The following GRAMD1A variants were observed in gnomAD, a reference collection of about 807,000 sequenced individuals.
The protein encoded by GRAMD1A is protein Aster-A.
A neutral mutation model predicts 92.0 loss-of-function variants in GRAMD1A; 50 were observed. The observed-to-expected ratio is 0.54, with a 90% CI of 0.43 to 0.69. The LOEUF is 0.69. Ranked by LOEUF, GRAMD1A falls within the 30% of genes least tolerant of loss-of-function variation. The probability of loss-of-function intolerance (pLI) is 0.00; values close to 1 mark genes in which losing one functional copy is unlikely to be tolerated. For missense variants in GRAMD1A, 819 were observed against 978.9 expected (o/e 0.84, Z 2.18); for synonymous variants, 405 against 403.6 (o/e 1.00, Z -0.04).
upstream of GRAMD1A, chr19:34,998,167 G>C (rs1261203364): frequency 6.6e-6 from 1 of 151,804 alleles, no homozygotes; most frequent in African/African-American, 2.4e-5. Context: ...AGGAGGGATG[G>C]GGAGCCAGGC....
rs1338461331 is a variant in GRAMD1A at position 35,013,727 on chromosome 19, T to C, written c.870+36T>C. 1.9e-6 allele frequency: 3 copies of C among 1,570,208 alleles called. No homozygotes were observed. Among genetic ancestry groups the C allele is most frequent in the Non-Finnish European group, 1.7e-6 (2 of 1,152,238 alleles). The stretch of plus-strand genomic sequence containing the variant: ...GGTTGGAAGAGGGGTGGGATACTGA[T>C]AGGAAGAGAGAGGAGGGCTGGGGGT... On this transcript the variant is annotated intron_variant, in intron 9 of 19. Coordinates refer to ENST00000317991, the MANE Select transcript of GRAMD1A (RefSeq NM_020895.5). The surrounding 1 kb of genome is among the most constrained non-coding windows in gnomAD (Gnocchi z 4.9).
rs114988011 is a variant in GRAMD1A, at chr19:35,008,526, A to G, written c.9-593A>G. 8.9e-3 allele frequency among the ~76,000 whole-genome samples: 1,354 copies of G among 152,200 alleles called. 22 individuals carry two copies. Among genetic ancestry groups the G allele is most frequent in the African/African-American group, 0.03 (1,261 of 41,484 alleles). On this transcript the variant is annotated intron_variant, in intron 1 of 19. Coordinates refer to ENST00000317991, the MANE Select transcript of GRAMD1A (RefSeq NM_020895.5). ...GCAACTTAGGAAGACCCCGTCTCAA[A>G]AAAAATTAAAGTAGGCTGGGCACGG...
chr19:35,024,805 T>C (rs2016322765), intron 19 of GRAMD1A: 1 of 152,258 alleles, frequency 6.6e-6, no homozygotes, highest in Non-Finnish European at 1.5e-5. Context: ...TTTTATTCTT[T>C]TGAGACAGGA....
chr19:34,995,962 T>G, upstream of GRAMD1A: 3 of 1,400,368 alleles, frequency 2.1e-6, no homozygotes, highest in South Asian at 2.7e-5. Flanking sequence ...AAGCGGGAGC[T>G]CTATCCCTCA....
At position 35,019,629 on chromosome 19, in the gene GRAMD1A, T is replaced by C. The variant is rs2015905352; in HGVS notation, c.1475+96T>C. 1.1e-5 allele frequency: 14 copies of C among 1,226,022 alleles called. No homozygotes were observed. In the South Asian group the frequency reaches 1.5e-4, roughly 13 times the overall value. 75.9% of individuals were successfully genotyped at this position (1,226,022 alleles called of 1,614,324 possible). A position where few individuals can be genotyped will look rare whatever the true frequency, so the allele number is the denominator to read the frequency against. ...AGCAGCAGAGCCTTGGTTCCCACCC[T>C]GGTGGAGGAACAGAAGCGTGGGGTT... On this transcript the variant is annotated intron_variant, in intron 13 of 19. Coordinates refer to ENST00000317991, the MANE Select transcript of GRAMD1A (RefSeq NM_020895.5).
Position 35,013,257 on chromosome 19 carries a change from C to T in GRAMD1A, c.608C>T (p.Thr203Met), listed in dbSNP as rs1246485875. Residue 203 changes from threonine (T) to methionine (M), a missense_variant and splice_region_variant, in exon 8 of 20, where the codon ACG (threonine) becomes ATG (methionine). Thr to Met is a moderately conservative substitution (Grantham distance 81). This residue lies in a region of GRAMD1A where 144 missense variants were observed against 220.3 expected (regional missense o/e 0.65). Coordinates refer to ENST00000317991, the MANE Select transcript of GRAMD1A (RefSeq NM_020895.5). This position sits in a 1 kb window ranked among gnomAD's most constrained non-coding sequence, Gnocchi z 4.9. ...RLWQNALLEK[T>M]LSPRELWHLV... ...CAACCCCAGGTCCCGCCTCCCCAGA[C>T]GCTGAGTCCCCGCGAGCTCTGGCAC... 13 of 1,529,050 alleles carry T rather than the reference C, an allele frequency of 8.5e-6. No homozygotes were observed. The highest frequency in any genetic ancestry group is 2.5e-5 in the East Asian group (1 of 40,642). The allele number at this position is 1,529,050 out of a possible 1,614,324, so 94.7% of individuals were successfully genotyped here.
In GRAMD1A at chr19:35,015,857, G is replaced by A. The variant is rs1367884228; in HGVS notation, c.1103G>A (p.Gly368Asp). ...DLAALLPDLS[G>D]RLLINSVFHV... is the part of the protein sequence containing the mutation. The stretch of plus-strand genomic sequence containing the variant: ...GCTGCCCTGCTTCCCGACCTCTCCG[G>A]CCGCCTCCTCATCAACTCTGTCTTC... Residue 368 changes from glycine (G) to aspartate (D), a missense_variant, in exon 11 of 20, where the codon GGC becomes GAC. Transcript: ENST00000317991. 1.2e-6 allele frequency: 2 copies of A among 1,613,976 alleles called. No individual in the cohort carries two copies. The highest frequency in any genetic ancestry group is 2.2e-5 in the East Asian group (1 of 44,858).
chr19:35,010,525 A>C (rs938883704), intron 6 of GRAMD1A, 146 bp downstream of exon 6: 2 of 629,586 alleles, frequency 3.2e-6, no homozygotes. Context: ...GGCGCCCATC[A>C]CCCCTGACCT....
chr19:35,014,181 C>T lies in GRAMD1A; in HGVS notation c.871-8C>T, dbSNP rs774036722. 1.2e-6 allele frequency: 2 copies of T among 1,612,276 alleles called. No individual in the cohort carries two copies. The highest frequency in any genetic ancestry group is 1.3e-5 in the African/African-American group (1 of 74,854). On this transcript the variant is annotated splice_region_variant and splice_polypyrimidine_tract_variant and intron_variant, in intron 9 of 19. Coordinates refer to ENST00000317991, the MANE Select transcript of GRAMD1A (RefSeq NM_020895.5). ...GTGGCCAAGGCTGCATCGGGCCTTT[C>T]TCCACAGGCAGAGGAGGACAAGGAG... is the stretch of plus-strand genomic sequence containing the variant.
In GRAMD1A at chr19:35,019,371, C is replaced by T. The variant is rs771258766; in HGVS notation, c.1333-20C>T. 2 of 1,613,558 alleles carry T rather than the reference C, an allele frequency of 1.2e-6. No homozygotes were observed. Among genetic ancestry groups the T allele is most frequent in the Non-Finnish European group, 1.7e-6 (2 of 1,179,838 alleles). ...TGGGTGAGTGGGGTGGCCCTGACTT[C>T]TCCGGCTCTGTCCCTGCAGACGCTG... is the stretch of plus-strand genomic sequence containing the variant. On this transcript the variant is annotated intron_variant, in intron 12 of 19. Transcript: ENST00000317991.
At chr19:35,020,536 TCAAACAAA>T (rs145953163) in intron 13 of GRAMD1A, among the ~76,000 whole-genome samples, 55,211 of 150,580 alleles carry the variant, frequency 0.37, 10,279 homozygotes, top group Middle Eastern at 0.47. Flanking sequence ...AAACTCTGTC[TCAAACAAA>T]CAAACAAACA....
In GRAMD1A at chr19:35,026,138, C is replaced by G. The variant is rs2016419623; in HGVS notation, c.2172C>G (p.Ser724=). Residue 724 remains serine (S), a synonymous_variant, in exon 20 of 20, where the codon TCC becomes TCG. Transcript: ENST00000317991. Reference sequence around the variant, plus strand: ...AGCCCCGGCCCGATGACAGCTTTTCCTGAGGACCCCGGCCACGCAGCTGTT... The same window carrying G: ...AGCCCCGGCCCGATGACAGCTTTTCGTGAGGACCCCGGCCACGCAGCTGTT... ...DTQPRPDDSF[S] 6.6e-7 allele frequency: 1 copy of G among 1,525,714 alleles called. No individual in the cohort carries two copies. The highest frequency in any genetic ancestry group is 1.4e-5 in the African/African-American group (1 of 73,366). The allele number at this position is 1,525,714 out of a possible 1,614,324, so 94.5% of individuals were successfully genotyped here. A position where few individuals can be genotyped will look rare whatever the true frequency, so the allele number is the denominator to read the frequency against.
chr19:35,013,771 C>T lies in GRAMD1A; in HGVS notation c.870+80C>T. On this transcript the variant is annotated intron_variant, in intron 9 of 19. Transcript: ENST00000317991. This position sits in a 1 kb window ranked among gnomAD's most constrained non-coding sequence, Gnocchi z 4.9. Reference sequence around the variant, plus strand: ...TGGGGGTGCAGTGGGAGAAGAACAGCCTGACAGATTTGGAGGGGAATGGAT... The same window carrying T: ...TGGGGGTGCAGTGGGAGAAGAACAGTCTGACAGATTTGGAGGGGAATGGAT... 4.3e-6 allele frequency: 6 copies of T among 1,406,218 alleles called. No homozygotes were observed. Among genetic ancestry groups the T allele is most frequent in the East Asian group, 4.6e-5 (2 of 43,354 alleles). The allele number at this position is 1,406,218 out of a possible 1,614,324, so 87.1% of individuals were successfully genotyped here.
chr19:35,003,891 T>C (rs2014603612), intron 1 of GRAMD1A, among the ~76,000 whole-genome samples: 1 of 152,196 alleles, frequency 6.6e-6, no homozygotes, highest in African/African-American at 2.4e-5. Flanking sequence ...TGTCCTCAGG[T>C]GAACAAGTGG....
At chr19:34,997,556 C>T (rs55831636), upstream of GRAMD1A, among the ~76,000 whole-genome samples, 19,154 of 152,066 alleles carry the variant, frequency 0.13, 1,409 homozygotes, top group African/African-American at 0.2. Context: ...AACAAGCAGC[C>T]ACTGTGGTTT....
upstream of GRAMD1A, among the ~76,000 whole-genome samples, chr19:34,995,570 GGTTTTTTTTTTTT>G (rs1246764648): frequency 1.2e-5 from 1 of 80,956 alleles, no homozygotes; most frequent in Non-Finnish European, 2.5e-5. Flanking sequence ...TCAGATCACG[GGTTTTTTTTTTTT>G]TTTTTTTTTT....
Position 35,021,380 on chromosome 19 carries a change from T to G in GRAMD1A, c.1476-122T>G. ...ATGGGGGGTAGGGAACCCATCTGTT[T>G]TGTCTGTGAGTGACAAGGGGCCCTC... is the stretch of plus-strand genomic sequence containing the variant. On this transcript the variant is annotated intron_variant, in intron 13 of 19. Transcript: ENST00000317991. The surrounding 1 kb of genome is among the most constrained non-coding windows in gnomAD (Gnocchi z 5.3). 1.4e-6 allele frequency: 1 copy of G among 729,052 alleles called. No individual in the cohort carries two copies. The highest frequency in any genetic ancestry group is 1.7e-5 in the African/African-American group (1 of 57,854). 45.2% of individuals were successfully genotyped at this position (729,052 alleles called of 1,614,324 possible).
Position 35,019,461 on chromosome 19 carries a change from C to G in GRAMD1A, c.1403C>G (p.Pro468Arg), listed in dbSNP as rs527324665. 5.2e-5 allele frequency: 84 copies of G among 1,613,922 alleles called. No individual in the cohort carries two copies. The South Asian group carries it at 8.8e-4, about 17-fold the overall frequency. The change falls in exon 13 of 20, where the codon CCC (proline) becomes CGC (arginine). Residue 468 changes from proline to arginine, a missense_variant. By Grantham distance (103) the Pro-to-Arg change is moderately radical. This residue lies in a region of GRAMD1A where 577 missense variants were observed against 674.6 expected (regional missense o/e 0.86). Transcript: ENST00000317991. ...VDSEVLTQGI[P>R]YQDYFYTAHR... Reference sequence around the variant, plus strand: ...TCCGAGGTGCTGACGCAGGGCATCCCCTACCAGGACTACTTCTACACTGCC... The same window carrying G: ...TCCGAGGTGCTGACGCAGGGCATCCGCTACCAGGACTACTTCTACACTGCC...
chr19:35,011,447 A>C, intron 6 of GRAMD1A, 27 bp from the exon 7 acceptor site: 4 of 1,485,384 alleles, frequency 2.7e-6, no homozygotes, highest in African/African-American at 1.4e-5. Context: ...ACCTGCTCAC[A>C]CCTCTCTCTC....
Sources: allele counts gnomAD v4.1 joint callset (sites outside exome capture counted in the v4.1 genomes callset), GRCh38; gene constraint gnomAD v4.1.1; regional missense constraint gnomAD v4.1.1; non-coding constraint Gnocchi (gnomAD v3.1); transcripts MANE v1.5; gene names NCBI Gene and HGNC (gene_info 2026-07-23, HGNC 2026-07-21).